The following NAALADL2 variants were observed in gnomAD, a reference collection of about 807,000 sequenced individuals.
NAALADL2 encodes N-acetylated alpha-linked acidic dipeptidase like 2.
A neutral mutation model predicts 87.2 loss-of-function variants in NAALADL2; 76 were observed. The observed-to-expected ratio is 0.87, with a 90% CI of 0.72 to 1.05. The LOEUF (loss-of-function observed/expected upper bound fraction) is 1.05, where lower values mean the gene tolerates loss of function less well. NAALADL2 is among the 50% of genes least tolerant of loss of function. NAALADL2 has a pLI of 0.00. For missense variants in NAALADL2, 1,089 were observed against 945.8 expected (o/e 1.15, Z -1.99); for synonymous variants, 354 against 331.0 (o/e 1.07, Z -0.75).
chr3:174,890,897 G>GT (rs1006193969), intron 1 of NAALADL2, among the ~76,000 whole-genome samples: 6 of 151,924 alleles, frequency 3.9e-5, no homozygotes, highest in Admixed American at 2.6e-4. Context: ...TATTCAAAAA[G>GT]TTTTTTCTGG....
chr3:175,481,455 C>A (rs1161102733), intron 9 of NAALADL2, among the ~76,000 whole-genome samples: 1 of 151,424 alleles, frequency 6.6e-6, no homozygotes, highest in Admixed American at 6.6e-5. Context: ...GACTCTAGGA[C>A]CACAGCACCA....
chr3:174,520,694 A>G (rs1418279516), intron 1 of NAALADL2, among the ~76,000 whole-genome samples: 1 of 152,228 alleles, frequency 6.6e-6, no homozygotes, highest in African/African-American at 2.4e-5. Context: ...ACAAAAAGAA[A>G]AATAGACAAA....
chr3:175,782,135 T>G (rs1438151848), intron 13 of NAALADL2, among the ~76,000 whole-genome samples: 3 of 150,590 alleles, frequency 2.0e-5, no homozygotes, highest in Middle Eastern at 3.4e-3. Context: ...TTCCAAGTCT[T>G]TGCTATTGTG....
intron 4 of NAALADL2, among the ~76,000 whole-genome samples, chr3:175,292,993 C>T (rs565854440): frequency 4.3e-4 from 61 of 140,744 alleles, no homozygotes; most frequent in African/African-American, 1.5e-3. Flanking sequence ...GCCGAGATAG[C>T]GCCACTGCAC....
At chr3:174,912,328 A>G (rs1200052394) in intron 1 of NAALADL2, among the ~76,000 whole-genome samples, 4 of 151,500 alleles carry the variant, frequency 2.6e-5, no homozygotes, top group African/African-American at 9.8e-5. Context: ...TTCTTTGAAA[A>G]AGCTCTGCAA....
intron 9 of NAALADL2, among the ~76,000 whole-genome samples, chr3:175,495,171 A>G (rs938636384): frequency 1.3e-5 from 2 of 151,498 alleles, no homozygotes; most frequent in African/African-American, 2.4e-5. Context: ...CAAATATCAT[A>G]TATTTATTGA....
intron 1 of NAALADL2, among the ~76,000 whole-genome samples, chr3:174,901,514 TC>T (rs1732298220): frequency 6.6e-6 from 1 of 152,174 alleles, no homozygotes; most frequent in African/African-American, 2.4e-5. Context: ...CAGGTAAATG[TC>T]TTTGAAAACA....
chr3:175,798,808 T>G (rs1753801267), intron 13 of NAALADL2, among the ~76,000 whole-genome samples: 2 of 152,122 alleles, frequency 1.3e-5, no homozygotes, highest in Admixed American at 6.6e-5. Context: ...TTATGTGAAT[T>G]GCCATCACAG....
At chr3:175,648,582 C>T (rs963227238) in intron 11 of NAALADL2, among the ~76,000 whole-genome samples, 2 of 150,360 alleles carry the variant, frequency 1.3e-5, no homozygotes, top group African/African-American at 2.4e-5. Flanking sequence ...ATGTCACATA[C>T]ATTTTAGACT....
chr3:175,066,602 G>T (rs1559981580), intron 1 of NAALADL2, among the ~76,000 whole-genome samples: 1 of 152,150 alleles, frequency 6.6e-6, no homozygotes, highest in Admixed American at 6.6e-5. Context: ...CTTATGGTGA[G>T]GTGGGATTGT....
At chr3:174,995,495 G>A (rs1456232419) in intron 1 of NAALADL2, among the ~76,000 whole-genome samples, 1 of 152,096 alleles carries the variant, frequency 6.6e-6, no homozygotes, top group African/African-American at 2.4e-5. Context: ...TTAGGGAGAG[G>A]TATTTGGGTT....
intron 2 of NAALADL2, among the ~76,000 whole-genome samples, chr3:174,733,423 C>G (rs1289925670): frequency 1.3e-5 from 2 of 152,220 alleles, no homozygotes; most frequent in Admixed American, 6.5e-5. Context: ...TTTCATCTGT[C>G]TAACTCAATC....
chr3:174,986,035 C>T (rs1416139135), intron 1 of NAALADL2, among the ~76,000 whole-genome samples: 1 of 151,904 alleles, frequency 6.6e-6, no homozygotes, highest in Non-Finnish European at 1.5e-5. Flanking sequence ...ACGATGACAT[C>T]TATAAGTTTG....
chr3:175,525,085 T>C (rs1012685328), intron 9 of NAALADL2, among the ~76,000 whole-genome samples: 2 of 151,944 alleles, frequency 1.3e-5, no homozygotes, highest in African/African-American at 4.8e-5. Context: ...TAAAGTGATA[T>C]ATGTGTATTG....
At chr3:175,747,743 G>A (rs1429111697) in intron 12 of NAALADL2, among the ~76,000 whole-genome samples, 1 of 151,864 alleles carries the variant, frequency 6.6e-6, no homozygotes, top group African/African-American at 2.4e-5. Context: ...AGAATGATAA[G>A]AATAAACTCC....
intron 13 of NAALADL2, among the ~76,000 whole-genome samples, chr3:175,794,676 G>A (rs1753233238): frequency 6.6e-6 from 1 of 152,096 alleles, no homozygotes; most frequent in Non-Finnish European, 1.5e-5. Flanking sequence ...AAAGAACACA[G>A]TTGTTTACTC....
intron 2 of NAALADL2, among the ~76,000 whole-genome samples, chr3:175,174,768 CAT>C (rs1491266413): frequency 5.3e-5 from 6 of 112,824 alleles, no homozygotes; most frequent in Non-Finnish European, 8.1e-5. Flanking sequence ...ATATGCTATT[CAT>C]GTGTGTGTGT....
intron 1 of NAALADL2, among the ~76,000 whole-genome samples, chr3:174,888,639 C>T (rs749855463): frequency 6.6e-5 from 10 of 152,174 alleles, no homozygotes; most frequent in Non-Finnish European, 1.0e-4. Flanking sequence ...TCCTATCATT[C>T]GGGGCATTTA....
At chr3:174,765,148 G>A (rs1305416224) in intron 3 of NAALADL2, among the ~76,000 whole-genome samples, 1 of 146,438 alleles carries the variant, frequency 6.8e-6, no homozygotes, top group African/African-American at 2.6e-5. Context: ...ACACACGAGA[G>A]AGAGAGAGAG....
Sources: gnomAD v4.1 joint callset for allele counts (sites outside exome capture counted in the v4.1 genomes callset) on GRCh38, gnomAD v4.1.1 for gene constraint, MANE v1.5 for transcripts, NCBI Gene and HGNC (gene_info 2026-07-23, HGNC 2026-07-21) for gene names.